The following ATRNL1 variants were observed in gnomAD, a reference collection of about 807,000 sequenced individuals.
ATRNL1 encodes attractin like 1, also known as attractin-like protein 1.
In ATRNL1, 95 loss-of-function variants were observed where a neutral mutation model predicts 182.7. The ratio of observed to expected loss-of-function variants is 0.52; its 90% CI spans 0.44 to 0.62. The LOEUF (loss-of-function observed/expected upper bound fraction) is 0.62. Among genes scored for constraint, ATRNL1 ranks in the 20% least tolerant of loss-of-function variants. The probability of loss-of-function intolerance (pLI) is 0.00; values close to 1 mark genes in which losing one functional copy is unlikely to be tolerated. For missense variants in ATRNL1, 1,471 were observed against 1,679.5 expected, an observed-to-expected ratio of 0.88 and a Z score of 2.17; for synonymous variants, 576 against 568.3, an observed-to-expected ratio of 1.01 and a Z score of -0.19.
intron 26 of ATRNL1, among the ~76,000 whole-genome samples, chr10:115,561,686 TGTGG>T (rs1475898587): frequency 9.1e-6 from 1 of 109,528 alleles, no homozygotes; most frequent in African/African-American, 3.4e-5. Context: ...TGTGTGTGTG[TGTGG>T]GTGTGTGTGT....
At chr10:115,631,961 A>G (rs1206337603) in intron 26 of ATRNL1, among the ~76,000 whole-genome samples, 9 of 152,154 alleles carry the variant, frequency 5.9e-5, no homozygotes, top group African/African-American at 1.4e-4. Flanking sequence ...TCAAGAATAT[A>G]TATCAATATA....
intron 26 of ATRNL1, among the ~76,000 whole-genome samples, chr10:115,624,737 A>G (rs1857983527): frequency 2.6e-5 from 4 of 152,172 alleles, no homozygotes; most frequent in Admixed American, 2.6e-4. Flanking sequence ...TTACTACCAC[A>G]CTACTGTATG....
intron 14 of ATRNL1, among the ~76,000 whole-genome samples, chr10:115,284,904 A>G (rs1852534995): frequency 6.6e-6 from 1 of 152,216 alleles, no homozygotes; most frequent in Non-Finnish European, 1.5e-5. Context: ...TAAAAAACAG[A>G]AATAATTGTG....
chr10:115,281,618 A>G (rs1248474741), intron 14 of ATRNL1, 131 bp downstream of exon 14: 3 of 861,150 alleles, frequency 3.5e-6, no homozygotes, highest in Non-Finnish European at 5.2e-6. Context: ...ATAATATTGT[A>G]GTACTAATAA....
chr10:115,462,073 G>A, intron 22 of ATRNL1, 38 bp downstream of exon 22: 1 of 1,456,032 alleles, frequency 6.9e-7, no homozygotes, highest in Non-Finnish European at 9.4e-7. Context: ...TATAATTATT[G>A]GACACAATTT....
chr10:115,311,853 T>G lies in ATRNL1; in HGVS notation c.2819-3665T>G, dbSNP rs537187387. Among the ~76,000 whole-genome samples the G allele has an allele frequency of 3.9e-5, 6 of 152,264 alleles. No individual in the cohort carries two copies. In the East Asian group the frequency reaches 1.2e-3, roughly 29 times the overall value. On this transcript the variant is annotated intron_variant, in intron 17 of 28. Transcript: ENST00000355044. ...TTGCATTGATACTTTTATCATTATA[T>G]AATGAACTTCTTTTTTTTTTCTTTA...
At chr10:115,666,724 T>G (rs137898703) in intron 26 of ATRNL1, among the ~76,000 whole-genome samples, 7 of 152,086 alleles carry the variant, frequency 4.6e-5, no homozygotes, top group Non-Finnish European at 1.0e-4. Context: ...AAATCCTCAG[T>G]AGGCACAGTA....
chr10:115,940,402 C>G (rs1953691245), intron 28 of ATRNL1, among the ~76,000 whole-genome samples: 2 of 152,156 alleles, frequency 1.3e-5, no homozygotes, highest in South Asian at 2.1e-4. Context: ...TCTGACATAG[C>G]AGGCTGGCTT....
At chr10:115,389,567 T>TAC (rs1843895257) in intron 19 of ATRNL1, among the ~76,000 whole-genome samples, 3 of 117,644 alleles carry the variant, frequency 2.6e-5, no homozygotes, top group Non-Finnish European at 5.3e-5. Context: ...TATATATATA[T>TAC]ATATATATAT....
At chr10:115,299,840 AAC>A (rs1180902844) in intron 15 of ATRNL1, among the ~76,000 whole-genome samples, 192 bp from the exon 16 acceptor site, 1 of 152,220 alleles carries the variant, frequency 6.6e-6, no homozygotes, top group African/African-American at 2.4e-5. Flanking sequence ...GTGTTTTAAA[AAC>A]AGTGTTCTAT....
At chr10:115,796,306 TCTGATGCGTGTTCTGGCAC>T (rs1949652774) in intron 27 of ATRNL1, among the ~76,000 whole-genome samples, 1 of 152,008 alleles carries the variant, frequency 6.6e-6, no homozygotes, top group African/African-American at 2.4e-5. Flanking sequence ...CCAATGGGGC[TCTGATGCGTGTTCTGGCAC>T]ACCATGGTTT....
chr10:115,847,721 T>C (rs1555099210), intron 27 of ATRNL1, among the ~76,000 whole-genome samples, 156 bp from the exon 28 acceptor site: 1 of 152,142 alleles, frequency 6.6e-6, no homozygotes, highest in Non-Finnish European at 1.5e-5. Flanking sequence ...CAAGTGCACA[T>C]CCATAGTGTG....
chr10:115,941,273 C>T (rs180795359), intron 28 of ATRNL1, among the ~76,000 whole-genome samples: 2 of 152,310 alleles, frequency 1.3e-5, no homozygotes, highest in East Asian at 3.9e-4. Flanking sequence ...AAATTAAGAA[C>T]TGAAATATTT....
chr10:115,170,913 C>A, intron 7 of ATRNL1, 124 bp from the exon 8 acceptor site: 1 of 488,882 alleles, frequency 2.0e-6, no homozygotes, highest in Non-Finnish European at 3.3e-6. Flanking sequence ...CAAATGAGAA[C>A]AATGCCTTAT....
chr10:115,348,264 C>T (rs782052932), intron 19 of ATRNL1, among the ~76,000 whole-genome samples: 1 of 152,086 alleles, frequency 6.6e-6, no homozygotes, highest in Non-Finnish European at 1.5e-5. Context: ...TGAGGCACCG[C>T]GCCTGGCCTA....
chr10:115,837,298 A>G (rs1054755084), intron 27 of ATRNL1, among the ~76,000 whole-genome samples: 6 of 152,078 alleles, frequency 3.9e-5, no homozygotes, highest in Non-Finnish European at 8.8e-5. Context: ...TGTGAGTTCC[A>G]TAACTTTGAT....
intron 18 of ATRNL1, among the ~76,000 whole-genome samples, chr10:115,319,999 A>G (rs1238813852): frequency 2.0e-5 from 3 of 151,620 alleles, no homozygotes; most frequent in Non-Finnish European, 4.4e-5. Flanking sequence ...ATTGATCTTT[A>G]TATCTCGGTG....
chr10:115,483,325 T>C (rs528377502), intron 24 of ATRNL1, among the ~76,000 whole-genome samples: 3 of 151,426 alleles, frequency 2.0e-5, no homozygotes, highest in African/African-American at 4.8e-5. Flanking sequence ...AAAAATTGTT[T>C]AGAAAGAGAG....
At chr10:115,503,715 C>T (rs1217656805) in intron 24 of ATRNL1, among the ~76,000 whole-genome samples, 1 of 148,518 alleles carries the variant, frequency 6.7e-6, no homozygotes. Context: ...TTAATAAATT[C>T]TCTTCTTGTG....
Sources: allele counts gnomAD v4.1 joint callset (sites outside exome capture counted in the v4.1 genomes callset), GRCh38; gene constraint gnomAD v4.1.1; transcripts MANE v1.5; gene names NCBI Gene and HGNC (gene_info 2026-07-23, HGNC 2026-07-21).